The following TRPM6 variants were observed in gnomAD, a reference collection of about 807,000 sequenced individuals.
The protein encoded by TRPM6 is channel kinase 2.
Under a neutral mutation model 247.6 loss-of-function variants are expected in TRPM6, and 111 were observed. The ratio of observed to expected loss-of-function variants is 0.45; its 90% CI spans 0.38 to 0.52. The LOEUF is 0.52. Ranked by LOEUF, TRPM6 falls within the 20% of genes least tolerant of loss-of-function variation. The pLI is 0.00. For missense variants in TRPM6, 2,126 were observed against 2,421.5 expected, an observed-to-expected ratio of 0.88 and a Z score of 2.56; for synonymous variants, 892 against 853.8, an observed-to-expected ratio of 1.04 and a Z score of -0.78.
chr9:74,729,952 G>C (rs1374791951), intron 37 of TRPM6, among the ~76,000 whole-genome samples: 1 of 152,092 alleles, frequency 6.6e-6, no homozygotes, highest in Admixed American at 6.6e-5. Flanking sequence ...ATGAGCTTTG[G>C]GAAAGTTAAG....
chr9:74,724,421 G>A lies in TRPM6; in HGVS notation c.*192C>T, dbSNP rs2118654629. On this transcript the variant is annotated 3_prime_UTR_variant, in exon 39 of 39. Coordinates refer to ENST00000360774, the MANE Select transcript of TRPM6 (RefSeq NM_017662.5). ...TGAGGATGGAGCTGCAAAGTGCCCT[G>A]GACAGAGGTCAGTGTCTAGGAGAAC... 1 of 730,366 alleles carries A rather than the reference G, an allele frequency of 1.4e-6. No homozygotes were observed. The highest frequency in any genetic ancestry group is 2.3e-6 in the Non-Finnish European group (1 of 437,878). 45.2% of individuals were successfully genotyped at this position (730,366 alleles called of 1,614,324 possible). A position where few individuals can be genotyped will look rare whatever the true frequency, so the allele number is the denominator to read the frequency against.
intron 25 of TRPM6, 98 bp downstream of exon 25, chr9:74,771,605 A>G (rs1827044969): frequency 8.2e-7 from 1 of 1,220,680 alleles, no homozygotes; most frequent in Admixed American, 1.8e-5. Context: ...AAGAACTCAA[A>G]CCTCTGGGAT....
chr9:74,780,064 C>T (rs1411445507), intron 23 of TRPM6, among the ~76,000 whole-genome samples: 4 of 151,448 alleles, frequency 2.6e-5, no homozygotes, highest in South Asian at 2.1e-4. Context: ...CCCAGCTACT[C>T]GGGAGGCTGA....
At chr9:74,728,396 T>A in intron 37 of TRPM6, 51 bp from the exon 38 acceptor site, 1 of 1,307,076 alleles carries the variant, frequency 7.7e-7, no homozygotes, top group Non-Finnish European at 1.1e-6. Flanking sequence ...AAAAAGGAGC[T>A]CAACTAGGAT....
chr9:74,823,871 G>A (rs1261044329), intron 7 of TRPM6, among the ~76,000 whole-genome samples: 2 of 151,974 alleles, frequency 1.3e-5, no homozygotes, highest in South Asian at 2.1e-4. Context: ...TACAAAAGAA[G>A]CATTATGAAA....
chr9:74,724,770 G>C, intron 38 of TRPM6, 24 bp from the exon 39 acceptor site: 1 of 1,613,912 alleles, frequency 6.2e-7, no homozygotes, highest in South Asian at 1.1e-5. Flanking sequence ...AAGTAAAAAG[G>C]TTATAGTGGA....
At chr9:74,819,052 A>C (rs1829053059) in intron 9 of TRPM6, among the ~76,000 whole-genome samples, 1 of 152,198 alleles carries the variant, frequency 6.6e-6, no homozygotes, top group Admixed American at 6.5e-5. Context: ...TTATGCCTGC[A>C]ATCCCAGAAC....
chr9:74,784,891 C>A (rs1302627852), intron 21 of TRPM6, among the ~76,000 whole-genome samples: 1 of 152,078 alleles, frequency 6.6e-6, no homozygotes, highest in African/African-American at 2.4e-5. Context: ...GCAGGAGGAT[C>A]ATTTGAGCTC....
intron 1 of TRPM6, among the ~76,000 whole-genome samples, chr9:74,871,408 T>C (rs1020655297): frequency 6.6e-6 from 1 of 152,218 alleles, no homozygotes; most frequent in African/African-American, 2.4e-5. Flanking sequence ...TTATACATGC[T>C]GTTCTGCACC....
chr9:74,793,179 C>T (rs949127903), intron 18 of TRPM6, among the ~76,000 whole-genome samples: 5 of 151,962 alleles, frequency 3.3e-5, no homozygotes, highest in Non-Finnish European at 5.9e-5. Context: ...AATTGGGCAC[C>T]CACATGCCAA....
chr9:74,800,189 A>C, intron 17 of TRPM6, 65 bp downstream of exon 17: 8 of 1,405,762 alleles, frequency 5.7e-6, no homozygotes, highest in Non-Finnish European at 8.0e-6. Flanking sequence ...ACAAAATGTA[A>C]CTCGAGTACA....
chr9:74,841,785 G>A (rs1383813330), intron 4 of TRPM6, among the ~76,000 whole-genome samples: 1 of 152,194 alleles, frequency 6.6e-6, no homozygotes, highest in Non-Finnish European at 1.5e-5. Context: ...GGTTACAGGT[G>A]TGAGCCAACG....
At chr9:74,834,469 T>C (rs1475855056) in intron 5 of TRPM6, among the ~76,000 whole-genome samples, 2 of 151,718 alleles carry the variant, frequency 1.3e-5, no homozygotes, top group African/African-American at 4.9e-5. Context: ...ATTATTATTA[T>C]TATTATTATT....
rs747704582 is a variant in TRPM6, at chr9:74,762,779, C to T, written c.3892G>A (p.Gly1298Arg). The change falls in exon 26 of 39, where the codon GGG becomes AGG. Residue 1298 changes from glycine (G) to arginine (R), a missense_variant. Physicochemically the swap from Gly to Arg is moderately radical, Grantham distance 125 (BLOSUM62 -2). Coordinates refer to ENST00000360774, the MANE Select transcript of TRPM6 (RefSeq NM_017662.5). ...GGRHPPRVQR[G>R]ALLEITNSKR... ...CTGTTTGTAATCTCAAGAAGTGCCC[C>T]CCTCTGCACTCTTGGGGGATGCCGG... 3.7e-6 allele frequency: 6 copies of T among 1,614,008 alleles called. No individual in the cohort carries two copies. In the South Asian group the frequency reaches 4.4e-5, roughly 12 times the overall value.
At chr9:74,753,458 G>C (rs1306172102) in intron 28 of TRPM6, among the ~76,000 whole-genome samples, 1 of 152,184 alleles carries the variant, frequency 6.6e-6, no homozygotes, top group Non-Finnish European at 1.5e-5. Context: ...CACTTTAGGA[G>C]GCCAAGACAG....
chr9:74,732,794 C>A, intron 36 of TRPM6, 58 bp from the exon 37 acceptor site: 10 of 1,246,516 alleles, frequency 8.0e-6, no homozygotes, highest in Non-Finnish European at 1.2e-5. Flanking sequence ...CTTAGAAATT[C>A]AAGAAAATAA....
At chr9:74,795,586 A>G (rs551991630) in intron 18 of TRPM6, among the ~76,000 whole-genome samples, 114 of 152,248 alleles carry the variant, frequency 7.5e-4, no homozygotes, top group Admixed American at 2.0e-3. Context: ...CCACATCGTC[A>G]AGTCAGGCTC....
chr9:74,843,966 G>A (rs1407191292), intron 3 of TRPM6, among the ~76,000 whole-genome samples: 1 of 152,154 alleles, frequency 6.6e-6, no homozygotes, highest in African/African-American at 2.4e-5. Flanking sequence ...CAGGTGTGTG[G>A]TCAATGAGCA....
chr9:74,739,543 C>G lies in TRPM6; in HGVS notation c.5488-94G>C, dbSNP rs1046399308. On this transcript the variant is annotated intron_variant, in intron 34 of 38. Transcript: ENST00000360774. ...TAGGCTACCCCAATGTGATTTTTAG[C>G]CTTATTCAACTCCCACCACTGCCTG... 1.2e-5 allele frequency: 18 copies of G among 1,501,958 alleles called. No individual in the cohort carries two copies. The African/African-American group carries it at 1.5e-4, about 13-fold the overall frequency. The allele number at this position is 1,501,958 out of a possible 1,614,324, so 93.0% of individuals were successfully genotyped here. A position where few individuals can be genotyped will look rare whatever the true frequency, so the allele number is the denominator to read the frequency against.
Sources: allele counts gnomAD v4.1 joint callset (sites outside exome capture counted in the v4.1 genomes callset), GRCh38; gene constraint gnomAD v4.1.1; transcripts MANE v1.5; gene names NCBI Gene and HGNC (gene_info 2026-07-23, HGNC 2026-07-21).